Variants in FAM98A observed in about 807,000 individuals in gnomAD.
FAM98A encodes the protein tRNA splicing ligase complex subunit 3A.
Under a neutral mutation model 62.9 loss-of-function variants are expected in FAM98A, and 25 were observed. The observed-to-expected ratio is 0.40, with a 90% confidence interval of 0.29 to 0.56. The LOEUF (loss-of-function observed/expected upper bound fraction) is 0.56. FAM98A is among the 20% of genes least tolerant of loss of function. The pLI, the probability that FAM98A is intolerant of heterozygous loss-of-function variation, is 0.51. For missense variants in FAM98A, 653 were observed against 640.7 expected (o/e 1.02, Z -0.21); for synonymous variants, 252 against 228.6 (o/e 1.10, Z -0.92).
At position 33,585,716 on chromosome 2, in the gene FAM98A, T is replaced by C. The variant is rs758246612; in HGVS notation, c.721-19A>G. Reference sequence around the variant, plus strand: ...TCTGGCTCTGTTGAAAGAAAAGTGTTCAAAGAGAAATGTCAATTTTCAAAA... The same window carrying C: ...TCTGGCTCTGTTGAAAGAAAAGTGTCCAAAGAGAAATGTCAATTTTCAAAA... On this transcript the variant is annotated intron_variant, in intron 6 of 7. Coordinates refer to ENST00000238823, the MANE Select transcript of FAM98A (RefSeq NM_015475.5). 1.9e-6 allele frequency: 3 copies of C among 1,595,292 alleles called. No homozygotes were observed. The highest frequency in any genetic ancestry group is 2.6e-6 in the Non-Finnish European group (3 of 1,172,516).
Position 33,592,350 on chromosome 2 carries a change from T to C in FAM98A, c.203-136A>G, listed in dbSNP as rs539842636. 80 of 697,296 alleles carry C rather than the reference T, an allele frequency of 1.1e-4. No homozygotes were observed. The South Asian group carries it at 1.4e-3, about 12-fold the overall frequency. The allele number at this position is 697,296 out of a possible 1,614,324, so 43.2% of individuals were successfully genotyped here. On this transcript the variant is annotated intron_variant, in intron 2 of 7. Coordinates refer to ENST00000238823, the MANE Select transcript of FAM98A (RefSeq NM_015475.5). ...TTTCCCCTTCTAATTTATCCTTTCT[T>C]ACACCACTGCAAAGTTTCTTCTTTT...
At chr2:33,592,319 G>T in intron 2 of FAM98A, 105 bp from the exon 3 acceptor site, 2 of 957,604 alleles carry the variant, frequency 2.1e-6, no homozygotes, top group Non-Finnish European at 3.1e-6. Context: ...TTCATAACTT[G>T]AGTTTTTTCC....
chr2:33,586,765 A>G lies in FAM98A; in HGVS notation c.604-87T>C, dbSNP rs938596881. Reference sequence around the variant, plus strand: ...GGCAAAAACTACGTCTGTGTCATTCATAACTGAGATCCCGGCCATTTAACA... The same window carrying G: ...GGCAAAAACTACGTCTGTGTCATTCGTAACTGAGATCCCGGCCATTTAACA... On this transcript the variant is annotated intron_variant, in intron 5 of 7. Coordinates refer to ENST00000238823, the MANE Select transcript of FAM98A (RefSeq NM_015475.5). The G allele has an allele frequency of 1.3e-5, 10 of 784,738 alleles. No homozygotes were observed. In the African/African-American group the frequency reaches 1.4e-4, roughly 11 times the overall value. The allele number at this position is 784,738 out of a possible 1,614,324, so 48.6% of individuals were successfully genotyped here.
intron 1 of FAM98A, among the ~76,000 whole-genome samples, chr2:33,596,947 A>G (rs1677827141): frequency 6.6e-6 from 1 of 151,998 alleles, no homozygotes; most frequent in Admixed American, 6.6e-5. Context: ...TATGTTAGAG[A>G]AATGACAGTT....
chr2:33,595,614 T>G lies in FAM98A; in HGVS notation c.77A>C (p.Asp26Ala). ...DLGYKGPLLE[D>A]GALSQAVSAG... ...AGAGACTGCCTGAGAGAGCGCTCCA[T>G]CTTCCAACAATGGGCCCTTGTAACT... Residue 26 changes from aspartate to alanine, a missense_variant, in exon 2 of 8, where the codon GAT becomes GCT. Transcript: ENST00000238823. The G allele has an allele frequency of 6.3e-7, 1 of 1,588,128 alleles. No individual in the cohort carries two copies. The highest frequency in any genetic ancestry group is 1.2e-5 in the South Asian group (1 of 85,800).
Position 33,584,909 on chromosome 2 carries a change from C to A in FAM98A, c.1424G>T (p.Gly475Val), listed in dbSNP as rs761108801. 6.2e-7 allele frequency: 1 copy of A among 1,612,344 alleles called. No homozygotes were observed. Among genetic ancestry groups the A allele is most frequent in the Admixed American group, 1.7e-5 (1 of 59,914 alleles). Residue 475 changes from glycine to valine, a missense_variant, in exon 8 of 8, where the codon GGC (glycine) becomes GTC (valine). Coordinates refer to ENST00000238823, the MANE Select transcript of FAM98A (RefSeq NM_015475.5). ...GGRGGRGGRA[G>V]QGGGWGGRGS... ...TCTTCCTCCCCAGCCTCCTCCCTGGCCTGCACGACCACCTCGGCCTCCACG... is the reference window on the plus strand; with the variant it reads ...TCTTCCTCCCCAGCCTCCTCCCTGGACTGCACGACCACCTCGGCCTCCACG...
rs138180530 is a variant in FAM98A at position 33,586,728 on chromosome 2, C to G, written c.604-50G>C. ...TTAGAGTTTAAATCTGCTTGATTCT[C>G]TGTCCCAAAAGGGCAAAAACTACGT... On this transcript the variant is annotated intron_variant, in intron 5 of 7. Coordinates refer to ENST00000238823, the MANE Select transcript of FAM98A (RefSeq NM_015475.5). The G allele has an allele frequency of 3.2e-5, 41 of 1,286,444 alleles. 1 individual carries two copies. The Middle Eastern group carries it at 7.3e-4, about 23-fold the overall frequency. The allele number at this position is 1,286,444 out of a possible 1,614,324, so 79.7% of individuals were successfully genotyped here. A position where few individuals can be genotyped will look rare whatever the true frequency, so the allele number is the denominator to read the frequency against.
intron 1 of FAM98A, 122 bp from the exon 2 acceptor site, chr2:33,595,759 C>T: frequency 1.6e-6 from 1 of 635,540 alleles, no homozygotes; most frequent in Non-Finnish European, 2.5e-6. Flanking sequence ...TAGTACTTAT[C>T]TTTATTTTAA....
chr2:33,596,107 A>C (rs1677805704), intron 1 of FAM98A, among the ~76,000 whole-genome samples: 1 of 152,234 alleles, frequency 6.6e-6, no homozygotes, highest in Non-Finnish European at 1.5e-5. Flanking sequence ...TTGCACTGTC[A>C]CATAGGCTGA....
chr2:33,590,251 CAA>C (rs1186864679), intron 3 of FAM98A, among the ~76,000 whole-genome samples: 1 of 152,086 alleles, frequency 6.6e-6, no homozygotes, highest in Non-Finnish European at 1.5e-5. Context: ...AATGAAGAGC[CAA>C]ACAGAGTCCT....
At chr2:33,597,710 A>T (rs1266800250) in intron 1 of FAM98A, among the ~76,000 whole-genome samples, 3 of 152,200 alleles carry the variant, frequency 2.0e-5, no homozygotes, top group Non-Finnish European at 4.4e-5. Flanking sequence ...CATTCCACTC[A>T]TTCCACTACA....
chr2:33,595,602 G>A lies in FAM98A; in HGVS notation c.89C>T (p.Ser30Phe), dbSNP rs796882456. The A allele has an allele frequency of 1.3e-6, 2 of 1,595,566 alleles. No individual in the cohort carries two copies. Among genetic ancestry groups the A allele is most frequent in the Non-Finnish European group, 1.7e-6 (2 of 1,174,414 alleles). The change falls in exon 2 of 8, where the codon TCT (serine) becomes TTT (phenylalanine). Residue 30 changes from serine (S) to phenylalanine (F), a missense_variant. Transcript: ENST00000238823. ...KGPLLEDGALSQAVSAGASSP... is the reference protein window; with the variant it reads ...KGPLLEDGALFQAVSAGASSP... ...ACTGGCTCCAGCAGAGACTGCCTGA[G>A]AGAGCGCTCCATCTTCCAACAATGG...
chr2:33,593,649 T>C (rs529767321), intron 2 of FAM98A, among the ~76,000 whole-genome samples: 21 of 152,324 alleles, frequency 1.4e-4, no homozygotes, highest in African/African-American at 3.4e-4. Flanking sequence ...AGAGAGTCAC[T>C]TGATCACCTG....
rs377389251 is a variant in FAM98A at position 33,586,569 on chromosome 2, C to T, written c.713G>A (p.Arg238Lys). Residue 238 changes from arginine (R) to lysine (K), a missense_variant, in exon 6 of 8, where the codon AGA (arginine) becomes AAA (lysine). Arg to Lys is a conservative substitution (Grantham distance 26). Coordinates refer to ENST00000238823, the MANE Select transcript of FAM98A (RefSeq NM_015475.5). ...VTVQSFGWSD[R>K]AKSQTEKLAK... ...AAATTATTTAATGTGTACCTTAGCT[C>T]TGTCAGACCAGCCAAAGGATTGTAC... The T allele has an allele frequency of 3.4e-5, 54 of 1,594,600 alleles. 1 individual carries two copies. The highest frequency in any genetic ancestry group is 6.7e-5 in the Admixed American group (4 of 59,984).
Position 33,599,289 on chromosome 2 carries a change from C to T in FAM98A, c.-68G>A. 2 of 1,320,060 alleles carry T rather than the reference C, an allele frequency of 1.5e-6. No homozygotes were observed. The highest frequency in any genetic ancestry group is 2.2e-6 in the Non-Finnish European group (2 of 911,456). 81.8% of individuals were successfully genotyped at this position (1,320,060 alleles called of 1,614,324 possible). On this transcript the variant is annotated 5_prime_UTR_variant, in exon 1 of 8. An upstream start codon of the reference 5' UTR is lost. Transcript: ENST00000238823. Reference sequence around the variant, plus strand: ...TTCGCCGGCAACGCGTACACTCGCGCATGCGCGACTTCCCCGGAACTTCCA... The same window carrying T: ...TTCGCCGGCAACGCGTACACTCGCGTATGCGCGACTTCCCCGGAACTTCCA...
In FAM98A at chr2:33,585,026, C is replaced by A; in HGVS notation, c.1307G>T (p.Gly436Val). ...FQTSSSYTGS[G>V]YQGGGYQQDN... ...CTGCTGGTAGCCACCACCCTGGTAT[C>A]CACTTCCTGTATATGAAGAAGATGT... is the stretch of plus-strand genomic sequence containing the variant. Residue 436 changes from glycine (G) to valine (V), a missense_variant, in exon 8 of 8, where the codon GGA becomes GTA. Gly to Val is a moderately radical substitution (Grantham distance 109). Transcript: ENST00000238823. 6.2e-7 allele frequency: 1 copy of A among 1,614,136 alleles called. No homozygotes were observed. Among genetic ancestry groups the A allele is most frequent in the Non-Finnish European group, 8.5e-7 (1 of 1,180,026 alleles).
intron 4 of FAM98A, among the ~76,000 whole-genome samples, chr2:33,587,837 C>A (rs529269864): frequency 3.3e-5 from 5 of 150,714 alleles, no homozygotes; most frequent in African/African-American, 1.2e-4. Flanking sequence ...AAAAATAATT[C>A]TAATTTCTTT....
At chr2:33,595,808 C>A (rs1335497063) in intron 1 of FAM98A, among the ~76,000 whole-genome samples, 171 bp from the exon 2 acceptor site, 5 of 151,944 alleles carry the variant, frequency 3.3e-5, no homozygotes, top group Admixed American at 6.5e-5. Flanking sequence ...TATACTGAAC[C>A]ATTACAAAAA....
intron 3 of FAM98A, 129 bp from the exon 4 acceptor site, chr2:33,588,648 A>G (rs1407238732): frequency 1.8e-6 from 1 of 566,264 alleles, no homozygotes; most frequent in African/African-American, 1.9e-5. Context: ...AAAACAAGAA[A>G]GAAAAACTAC....
Sources: gnomAD v4.1 joint callset for allele counts (sites outside exome capture counted in the v4.1 genomes callset) on GRCh38, gnomAD v4.1.1 for gene constraint, MANE v1.5 for transcripts, NCBI Gene and HGNC (gene_info 2026-07-23, HGNC 2026-07-21) for gene names.